The following MYT1L variants were observed in gnomAD, a reference collection of about 807,000 sequenced individuals.
MYT1L encodes the protein myelin transcription factor 1-like protein.
In MYT1L, 12 loss-of-function variants were observed where a neutral mutation model predicts 126.7. The observed-to-expected ratio is 0.09, with a 90% CI of 0.06 to 0.15. The LOEUF (loss-of-function observed/expected upper bound fraction) is 0.15. Among genes scored for constraint, MYT1L ranks in the 10% least tolerant of loss-of-function variants. The pLI is 1.00. For synonymous variants in MYT1L, 541 were observed against 604.2 expected (o/e 0.90, Z 1.53); for missense variants, 979 against 1,585.2 (o/e 0.62, Z 6.49).
intron 5 of MYT1L, among the ~76,000 whole-genome samples, chr2:1,984,769 A>G (rs2060881904): frequency 6.6e-6 from 1 of 152,072 alleles, no homozygotes; most frequent in African/African-American, 2.4e-5. Flanking sequence ...TCAGCCTCCC[A>G]AAGTGCTGGT....
intron 4 of MYT1L, among the ~76,000 whole-genome samples, chr2:2,001,966 G>A (rs964605331): frequency 1.6e-4 from 24 of 152,142 alleles, no homozygotes; most frequent in African/African-American, 5.8e-4. Flanking sequence ...TTTTAACCCT[G>A]CTCCACGGTG....
intron 3 of MYT1L, among the ~76,000 whole-genome samples, chr2:2,057,485 C>A (rs1303148062): frequency 1.3e-5 from 2 of 152,086 alleles, no homozygotes; most frequent in African/African-American, 4.8e-5. Context: ...CACGTCCATC[C>A]CCCTTCCAAT....
intron 21 of MYT1L, among the ~76,000 whole-genome samples, chr2:1,833,217 G>A (rs911267818): frequency 1.4e-4 from 22 of 152,262 alleles, no homozygotes; most frequent in Middle Eastern, 3.4e-3. Flanking sequence ...CCCAGTGCCC[G>A]CATCCGAGGC....
At chr2:2,273,635 C>T (rs1388111536) in intron 2 of MYT1L, among the ~76,000 whole-genome samples, 1 of 152,188 alleles carries the variant, frequency 6.6e-6, no homozygotes, top group Non-Finnish European at 1.5e-5. Context: ...GTCAGAGGCA[C>T]CTGCCCCAGG....
chr2:2,064,474 C>T (rs187511293), intron 3 of MYT1L, among the ~76,000 whole-genome samples: 230 of 152,248 alleles, frequency 1.5e-3, no homozygotes, highest in Non-Finnish European at 2.2e-3. Context: ...AATGTAGATA[C>T]GGTGTAGGTT....
At chr2:1,928,974 G>T (rs1320972811) in intron 9 of MYT1L, among the ~76,000 whole-genome samples, 1 of 152,112 alleles carries the variant, frequency 6.6e-6, no homozygotes, top group Non-Finnish European at 1.5e-5. Flanking sequence ...GGATGTGCAG[G>T]GAGGGAACTG....
At chr2:2,308,089 C>A (rs1159316817) in intron 1 of MYT1L, among the ~76,000 whole-genome samples, 1 of 151,756 alleles carries the variant, frequency 6.6e-6, no homozygotes, top group Non-Finnish European at 1.5e-5. Flanking sequence ...GTACACTCTA[C>A]CTATACTCCA....
At chr2:1,798,737 A>T (rs2034284975) in intron 23 of MYT1L, among the ~76,000 whole-genome samples, 1 of 152,212 alleles carries the variant, frequency 6.6e-6, no homozygotes, top group African/African-American at 2.4e-5. Context: ...CTTCTAAAGG[A>T]AAATGCAAGG....
chr2:2,045,721 A>G (rs954020101), intron 4 of MYT1L, among the ~76,000 whole-genome samples: 5 of 152,216 alleles, frequency 3.3e-5, no homozygotes, highest in African/African-American at 4.8e-5. Context: ...CACAGGACCT[A>G]TATTTTTCTG....
intron 2 of MYT1L, among the ~76,000 whole-genome samples, chr2:2,262,020 T>C (rs2094980655): frequency 6.6e-6 from 1 of 152,242 alleles, no homozygotes; most frequent in African/African-American, 2.4e-5. Flanking sequence ...ATTAGAGTCA[T>C]GGACATTCTA....
chr2:2,312,862 G>T (rs1012725543), intron 1 of MYT1L, among the ~76,000 whole-genome samples: 9 of 152,004 alleles, frequency 5.9e-5, no homozygotes, highest in Non-Finnish European at 1.3e-4. Flanking sequence ...AGAAAGGGGG[G>T]TTCTGGCCAG....
intron 2 of MYT1L, among the ~76,000 whole-genome samples, chr2:2,207,136 G>A (rs1261013827): frequency 1.3e-5 from 2 of 152,294 alleles, no homozygotes; most frequent in East Asian, 3.9e-4. Flanking sequence ...GTGGCCAGAG[G>A]TTCACAAGAA....
At chr2:2,303,418 C>T (rs2095814528) in intron 1 of MYT1L, 1 of 152,426 alleles carries the variant, frequency 6.6e-6, no homozygotes, top group Non-Finnish European at 1.5e-5. Flanking sequence ...TCAGCCAGTT[C>T]CTACCAACTG....
intron 2 of MYT1L, among the ~76,000 whole-genome samples, chr2:2,268,059 C>G (rs2095175937): frequency 6.6e-6 from 1 of 152,024 alleles, no homozygotes; most frequent in African/African-American, 2.4e-5. Context: ...TTCCAAAATG[C>G]TAGAAACAGA....
rs576770055 is a variant in MYT1L at position 1,910,533 on chromosome 2, A to C, written c.1710-186T>G. ...GGGAGGTAGTCATGTTTCCAGGTGCATGCTTTCTGCTGGTCTCCAGCAGAG... is the reference window on the plus strand; with the variant it reads ...GGGAGGTAGTCATGTTTCCAGGTGCCTGCTTTCTGCTGGTCTCCAGCAGAG... On this transcript the variant is annotated intron_variant, in intron 12 of 24. Coordinates refer to ENST00000647738, the MANE Select transcript of MYT1L (RefSeq NM_001303052.2). This position sits in a 1 kb window ranked among gnomAD's most constrained non-coding sequence, Gnocchi z 4.8. Among the ~76,000 whole-genome samples the C allele has an allele frequency of 6.6e-6, 1 of 152,218 alleles. No individual in the cohort carries two copies. Among genetic ancestry groups the C allele is most frequent in the South Asian group, 2.1e-4 (1 of 4,822 alleles).
At chr2:1,821,980 A>G (rs919931687) in intron 21 of MYT1L, among the ~76,000 whole-genome samples, 1 of 152,206 alleles carries the variant, frequency 6.6e-6, no homozygotes, top group African/African-American at 2.4e-5. Flanking sequence ...AACCCCTCTT[A>G]GACAATTCAA....
At chr2:2,229,110 T>C (rs1432513348) in intron 2 of MYT1L, among the ~76,000 whole-genome samples, 1 of 152,250 alleles carries the variant, frequency 6.6e-6, no homozygotes, top group African/African-American at 2.4e-5. Flanking sequence ...GATGTGTTTA[T>C]GTTTATATTA....
At chr2:2,295,585 CAGACAGACAGAGAGAG>C (rs1220327958) in intron 1 of MYT1L, among the ~76,000 whole-genome samples, 2,094 of 50,322 alleles carry the variant, frequency 0.042, 41 homozygotes, top group Non-Finnish European at 0.055. Context: ...GAGAGAGAGA[CAGACAGACAGAGAGAG>C]AGACAGACAG....
chr2:1,948,307 T>C (rs1297899804), intron 8 of MYT1L, among the ~76,000 whole-genome samples: 1 of 152,226 alleles, frequency 6.6e-6, no homozygotes, highest in Non-Finnish European at 1.5e-5. Context: ...TTTGTTAATG[T>C]AAAGCGTGAA....
Sources: gnomAD v4.1 joint callset for allele counts (sites outside exome capture counted in the v4.1 genomes callset) on GRCh38, gnomAD v4.1.1 for gene constraint, Gnocchi (gnomAD v3.1) non-coding constraint, MANE v1.5 for transcripts, NCBI Gene and HGNC (gene_info 2026-07-23, HGNC 2026-07-21) for gene names.